Variants in DCC observed in about 807,000 individuals in gnomAD.
DCC encodes the protein netrin receptor DCC.
Under a neutral mutation model 172.5 loss-of-function variants are expected in DCC, and 58 were observed. The ratio of observed to expected loss-of-function variants is 0.34; its 90% CI spans 0.27 to 0.42. DCC has a LOEUF of 0.42. DCC is among the 10% of genes least tolerant of loss of function. The pLI is 1.00. For synonymous variants in DCC, 709 were observed against 644.5 expected, an observed-to-expected ratio of 1.10 and a Z score of -1.52; for missense variants, 1,740 against 1,791.0, an observed-to-expected ratio of 0.97 and a Z score of 0.51.
intron 12 of DCC, among the ~76,000 whole-genome samples, chr18:53,258,519 G>T (rs879807004): frequency 2.0e-5 from 3 of 152,082 alleles, no homozygotes; most frequent in Admixed American, 1.3e-4. Context: ...TAGTTGAGCG[G>T]TTTTGAGTGA....
intron 27 of DCC, among the ~76,000 whole-genome samples, chr18:53,505,706 C>A (rs1471002698): frequency 6.6e-6 from 1 of 152,104 alleles, no homozygotes; most frequent in Non-Finnish European, 1.5e-5. Context: ...ATTTTCAGAA[C>A]TTTGTAACCT....
At chr18:52,405,864 G>A (rs576302206) in intron 1 of DCC, among the ~76,000 whole-genome samples, 12 of 151,772 alleles carry the variant, frequency 7.9e-5, no homozygotes, top group African/African-American at 2.9e-4. Context: ...GCATCGCGAA[G>A]TCAATCCTAA....
chr18:53,317,772 G>T (rs928091175), intron 13 of DCC, among the ~76,000 whole-genome samples: 1 of 152,164 alleles, frequency 6.6e-6, no homozygotes, highest in Admixed American at 6.5e-5. Flanking sequence ...TATTTGCATA[G>T]AGGTGTTTAT....
intron 1 of DCC, among the ~76,000 whole-genome samples, chr18:52,349,926 C>T (rs1333767499): frequency 6.6e-6 from 1 of 152,138 alleles, no homozygotes; most frequent in South Asian, 2.1e-4. Context: ...ATGTGCTCTT[C>T]TAAGTAAGCT....
intron 12 of DCC, among the ~76,000 whole-genome samples, chr18:53,252,679 A>G (rs1014389549): frequency 4.6e-5 from 7 of 151,930 alleles, no homozygotes; most frequent in African/African-American, 1.7e-4. Context: ...GCTGTTCAAG[A>G]TTAAGGGAGA....
At chr18:53,375,557 T>C (rs901100332) in intron 15 of DCC, among the ~76,000 whole-genome samples, 1 of 152,098 alleles carries the variant, frequency 6.6e-6, no homozygotes, top group Non-Finnish European at 1.5e-5. Flanking sequence ...ACAATATTTA[T>C]ATTTCTTAAT....
intron 14 of DCC, among the ~76,000 whole-genome samples, chr18:53,327,802 G>A (rs370842858): frequency 1.7e-4 from 26 of 152,160 alleles, no homozygotes; most frequent in Non-Finnish European, 3.5e-4. Context: ...ATGGGATTTG[G>A]TGTGCACAGA....
At chr18:53,466,828 G>A (rs1207652228) in intron 24 of DCC, among the ~76,000 whole-genome samples, 2 of 152,154 alleles carry the variant, frequency 1.3e-5, no homozygotes, top group Non-Finnish European at 2.9e-5. Flanking sequence ...GCCTGGCCAG[G>A]TTTGCGTAGT....
intron 15 of DCC, among the ~76,000 whole-genome samples, chr18:53,344,963 G>C (rs2057706846): frequency 6.6e-6 from 1 of 150,834 alleles, no homozygotes; most frequent in African/African-American, 2.4e-5. Flanking sequence ...TAATGGACCA[G>C]AGACTAAATA....
At chr18:53,502,121 TTG>T (rs967431738) in intron 27 of DCC, among the ~76,000 whole-genome samples, 1 of 152,168 alleles carries the variant, frequency 6.6e-6, no homozygotes, top group African/African-American at 2.4e-5. Context: ...GATCCTTCTT[TTG>T]TTTTTATTTG....
intron 9 of DCC, among the ~76,000 whole-genome samples, chr18:53,188,289 C>T (rs1806151788): frequency 6.6e-6 from 1 of 152,166 alleles, no homozygotes; most frequent in Non-Finnish European, 1.5e-5. Context: ...TACAGGCATG[C>T]TTATCCTAAA....
intron 5 of DCC, among the ~76,000 whole-genome samples, chr18:52,967,669 T>C (rs1183872095): frequency 6.6e-6 from 1 of 152,208 alleles, no homozygotes; most frequent in African/African-American, 2.4e-5. Flanking sequence ...TTCTGTTGCT[T>C]TCTCCTCTTC....
intron 7 of DCC, among the ~76,000 whole-genome samples, chr18:53,105,150 G>A (rs1211845051): frequency 1.3e-5 from 2 of 152,034 alleles, no homozygotes; most frequent in Admixed American, 1.3e-4. Context: ...GTGAGAAGAT[G>A]CTGTGACTAA....
At chr18:53,212,892 G>A (rs780503907) in intron 11 of DCC, among the ~76,000 whole-genome samples, 3 of 151,986 alleles carry the variant, frequency 2.0e-5, no homozygotes, top group Non-Finnish European at 4.4e-5. Flanking sequence ...AGCTGGTCTC[G>A]AACTCCTGAC....
intron 12 of DCC, among the ~76,000 whole-genome samples, chr18:53,257,950 G>T (rs1426436853): frequency 2.6e-5 from 4 of 152,168 alleles, no homozygotes; most frequent in African/African-American, 9.7e-5. Flanking sequence ...GAGGGCGTAT[G>T]TGTGGAGGCA....
At chr18:53,419,945 C>A (rs771714089) in intron 21 of DCC, among the ~76,000 whole-genome samples, 1 of 152,044 alleles carries the variant, frequency 6.6e-6, no homozygotes, top group Non-Finnish European at 1.5e-5. Flanking sequence ...CCTCTGCCTC[C>A]CAGGTTCAAG....
intron 1 of DCC, among the ~76,000 whole-genome samples, chr18:52,730,114 A>G (rs997989703): frequency 6.6e-6 from 1 of 152,214 alleles, no homozygotes; most frequent in Non-Finnish European, 1.5e-5. Flanking sequence ...TAAAAAAATG[A>G]ATATTACCTA....
At chr18:53,241,663 A>T (rs1285542536) in intron 12 of DCC, among the ~76,000 whole-genome samples, 1 of 152,172 alleles carries the variant, frequency 6.6e-6, no homozygotes, top group Non-Finnish European at 1.5e-5. Flanking sequence ...CCTCTGAATG[A>T]TGGTGCCTGG....
At chr18:52,824,967 CAT>C (rs148347043) in intron 2 of DCC, among the ~76,000 whole-genome samples, 11 of 148,076 alleles carry the variant, frequency 7.4e-5, no homozygotes, top group African/African-American at 9.9e-5. Context: ...GAGACTCCCT[CAT>C]ATATATATAT....
Sources: allele counts gnomAD v4.1 joint callset (sites outside exome capture counted in the v4.1 genomes callset), GRCh38; gene constraint gnomAD v4.1.1; transcripts MANE v1.5; gene names NCBI Gene and HGNC (gene_info 2026-07-23, HGNC 2026-07-21).